The following MGAT4C variants were observed in gnomAD, a reference collection of about 807,000 sequenced individuals.
MGAT4C encodes MGAT4 family member C.
A neutral mutation model predicts 40.1 loss-of-function variants in MGAT4C; 19 were observed. The observed-to-expected ratio is 0.47, with a 90% CI of 0.33 to 0.70. The LOEUF (loss-of-function observed/expected upper bound fraction) is 0.70. MGAT4C is among the 30% of genes least tolerant of loss of function. MGAT4C has a pLI of 0.02. For missense variants in MGAT4C, 491 were observed against 563.2 expected (o/e 0.87, Z 1.30); for synonymous variants, 181 against 187.1 (o/e 0.97, Z 0.27).
chr12:86,735,514 A>T (rs939330427), intron 1 of MGAT4C, among the ~76,000 whole-genome samples: 1 of 151,944 alleles, frequency 6.6e-6, no homozygotes, highest in South Asian at 2.1e-4. Context: ...AGGGAGAATC[A>T]TAATCGTGAA....
At chr12:86,421,545 G>C (rs1427900241) in intron 3 of MGAT4C, among the ~76,000 whole-genome samples, 3 of 152,182 alleles carry the variant, frequency 2.0e-5, no homozygotes, top group Admixed American at 6.5e-5. Flanking sequence ...GCCGAGGCAG[G>C]GGGATCAATT....
rs971527607 is a variant in MGAT4C at position 86,363,399 on chromosome 12, C to T, written c.-119-29272G>A. 2.6e-5 allele frequency among the ~76,000 whole-genome samples: 4 copies of T among 152,092 alleles called. No homozygotes were observed. The South Asian group carries it at 6.2e-4, about 24-fold the overall frequency. ...AAAAAGAAGTTTCAGGACAAATTAGCATCTATTTTAAACTTGATTAATATA... is the reference window on the plus strand; with the variant it reads ...AAAAAGAAGTTTCAGGACAAATTAGTATCTATTTTAAACTTGATTAATATA... On this transcript the variant is annotated intron_variant, in intron 3 of 7. Transcript: ENST00000548651.
At chr12:86,059,914 A>G (rs1439479816) in intron 1 of MGAT4C, among the ~76,000 whole-genome samples, 1 of 152,226 alleles carries the variant, frequency 6.6e-6, no homozygotes, top group Non-Finnish European at 1.5e-5. Flanking sequence ...AACCAGAGGA[A>G]TAAGAGACGA....
intron 3 of MGAT4C, among the ~76,000 whole-genome samples, chr12:86,335,461 C>G (rs1302710300): frequency 2.6e-5 from 4 of 152,002 alleles, no homozygotes; most frequent in Non-Finnish European, 5.9e-5. Context: ...GCAATATTAG[C>G]AAACACAGAT....
At chr12:86,180,655 G>A (rs990991367) in intron 1 of MGAT4C, among the ~76,000 whole-genome samples, 3 of 152,146 alleles carry the variant, frequency 2.0e-5, no homozygotes, top group Admixed American at 2.0e-4. Context: ...CTGCCCTGCT[G>A]GATTTCAGAC....
intron 1 of MGAT4C, among the ~76,000 whole-genome samples, chr12:86,187,676 GA>G (rs202069269): frequency 4.2e-4 from 64 of 150,646 alleles, no homozygotes; most frequent in Middle Eastern, 3.4e-3. Context: ...CAAATAAGCA[GA>G]AAAAAAATGT....
chr12:86,622,128 A>T (rs11837474), intron 2 of MGAT4C, among the ~76,000 whole-genome samples: 19,750 of 152,150 alleles, frequency 0.13, 1,985 homozygotes, highest in African/African-American at 0.28. Context: ...ATTTTACATT[A>T]TCAACTTATG....
chr12:86,314,646 T>C (rs1295225966), intron 4 of MGAT4C, among the ~76,000 whole-genome samples: 4 of 152,240 alleles, frequency 2.6e-5, no homozygotes, highest in African/African-American at 9.6e-5. Flanking sequence ...CTGCCAATAA[T>C]CAGTAGCATT....
chr12:86,758,744 G>T (rs772144377), intron 1 of MGAT4C, among the ~76,000 whole-genome samples: 1 of 151,936 alleles, frequency 6.6e-6, no homozygotes, highest in Non-Finnish European at 1.5e-5. Context: ...TGCAAAATTG[G>T]TATCTCTAAG....
intron 2 of MGAT4C, among the ~76,000 whole-genome samples, chr12:86,022,085 T>G (rs970658216): frequency 6.6e-6 from 1 of 152,342 alleles, no homozygotes; most frequent in East Asian, 1.9e-4. Context: ...GATAAATCAT[T>G]ACCATTCATT....
At chr12:86,325,901 T>A (rs1398653362) in intron 4 of MGAT4C, among the ~76,000 whole-genome samples, 1 of 151,712 alleles carries the variant, frequency 6.6e-6, no homozygotes, top group Non-Finnish European at 1.5e-5. Flanking sequence ...AAAATAATAA[T>A]GCTTGACACA....
intron 1 of MGAT4C, among the ~76,000 whole-genome samples, chr12:86,133,158 C>T (rs1324329598): frequency 3.9e-5 from 6 of 152,176 alleles, no homozygotes; most frequent in Non-Finnish European, 8.8e-5. Flanking sequence ...TTTCCAATTA[C>T]TACCTATTAG....
chr12:86,278,939 G>A (rs529256603), intron 4 of MGAT4C, among the ~76,000 whole-genome samples: 57 of 79,048 alleles, frequency 7.2e-4, no homozygotes, highest in African/African-American at 2.1e-3. Context: ...TATCATATAG[G>A]TTTTGTCCTT....
chr12:85,998,630 A>G (rs1886926622), intron 2 of MGAT4C, among the ~76,000 whole-genome samples: 1 of 152,106 alleles, frequency 6.6e-6, no homozygotes, highest in African/African-American at 2.4e-5. Context: ...GCAGGGATAA[A>G]ATGCTGCCAG....
intron 2 of MGAT4C, among the ~76,000 whole-genome samples, chr12:86,574,863 C>A (rs546658364): frequency 6.6e-6 from 1 of 151,804 alleles, no homozygotes; most frequent in East Asian, 1.9e-4. Context: ...ATATTAACCC[C>A]CTGATTTTTA....
intron 2 of MGAT4C, among the ~76,000 whole-genome samples, chr12:86,046,322 C>T (rs1284795637): frequency 6.6e-6 from 1 of 152,164 alleles, no homozygotes; most frequent in African/African-American, 2.4e-5. Context: ...TGACAGCCTA[C>T]AATTTTAAGC....
intron 2 of MGAT4C, among the ~76,000 whole-genome samples, chr12:86,580,930 G>T (rs377308583): frequency 4.6e-5 from 7 of 151,486 alleles, no homozygotes; most frequent in Middle Eastern, 3.4e-3. Flanking sequence ...CAGAACGTAT[G>T]GTTAGCCTAC....
At chr12:86,555,182 T>C (rs540265449) in intron 2 of MGAT4C, among the ~76,000 whole-genome samples, 15 of 151,880 alleles carry the variant, frequency 9.9e-5, no homozygotes, top group Non-Finnish European at 1.9e-4. Context: ...GCAAAGTACC[T>C]TTTGGTATTT....
rs144417383 is a variant in MGAT4C, at chr12:86,767,288, A to G, written c.-261-40047T>C. ...AGAAGAAATGGATAAATTCCTCGAC[A>G]CATAAACCCTCCCAAGACTAAACCA... is the stretch of plus-strand genomic sequence containing the variant. On this transcript the variant is annotated intron_variant, in intron 1 of 7. Coordinates refer to the MGAT4C transcript ENST00000548651. Among the ~76,000 whole-genome samples, 842 of 152,328 alleles carry G rather than the reference A, an allele frequency of 5.5e-3. 2 individuals are homozygous for G. The highest frequency in any genetic ancestry group is 9.0e-3 in the Non-Finnish European group (610 of 68,032).
Sources: gnomAD v4.1 joint callset for allele counts (sites outside exome capture counted in the v4.1 genomes callset) on GRCh38, gnomAD v4.1.1 for gene constraint, MANE v1.5 for transcripts, NCBI Gene and HGNC (gene_info 2026-07-23, HGNC 2026-07-21) for gene names.